The following VAV3 variants were observed in gnomAD, a reference collection of about 807,000 sequenced individuals.
The protein encoded by VAV3 is vav guanine nucleotide exchange factor 3.
Under a neutral mutation model 131.2 loss-of-function variants are expected in VAV3, and 94 were observed. That is an observed-to-expected ratio of 0.72 (90% CI 0.61 to 0.85). The LOEUF is 0.85. Ranked by LOEUF, VAV3 falls within the 40% of genes least tolerant of loss-of-function variation. The pLI is 0.00. For missense variants in VAV3, 939 were observed against 1,002.7 expected, an observed-to-expected ratio of 0.94 and a Z score of 0.86; for synonymous variants, 349 against 342.0, an observed-to-expected ratio of 1.02 and a Z score of -0.22.
At chr1:107,883,280 G>A (rs1670869314) in intron 1 of VAV3, among the ~76,000 whole-genome samples, 1 of 152,034 alleles carries the variant, frequency 6.6e-6, no homozygotes, top group Non-Finnish European at 1.5e-5. Flanking sequence ...CATCTGTTAT[G>A]GTAATAACTG....
chr1:107,682,242 C>A (rs978260618), intron 19 of VAV3, among the ~76,000 whole-genome samples: 2 of 151,408 alleles, frequency 1.3e-5, no homozygotes, highest in East Asian at 3.9e-4. Context: ...ACTACAAATA[C>A]AAAAATGCAT....
chr1:107,889,132 AGTGTGTGTGTGTGTGTGTGTGT>A (rs5776903), intron 1 of VAV3, among the ~76,000 whole-genome samples: 3 of 141,926 alleles, frequency 2.1e-5, no homozygotes, highest in African/African-American at 8.0e-5. Flanking sequence ...TCCTGTGTAG[AGTGTGTGTGTGTGTGTGTGTGT>A]GTGTGTGTGT....
chr1:107,625,258 T>C (rs1653928846), intron 20 of VAV3, among the ~76,000 whole-genome samples: 1 of 151,434 alleles, frequency 6.6e-6, no homozygotes, highest in African/African-American at 2.4e-5. Flanking sequence ...TTTAATCTTT[T>C]TTTTTTTTTT....
intron 15 of VAV3, among the ~76,000 whole-genome samples, chr1:107,723,209 A>T (rs1661608451): frequency 6.6e-6 from 1 of 152,156 alleles, no homozygotes; most frequent in Non-Finnish European, 1.5e-5. Context: ...AGAGCAAAAC[A>T]ACAGTAACAA....
chr1:107,733,740 G>A (rs1422904588), intron 15 of VAV3, among the ~76,000 whole-genome samples: 1 of 152,216 alleles, frequency 6.6e-6, no homozygotes, highest in Non-Finnish European at 1.5e-5. Context: ...ATGGGACTAT[G>A]TGAAAAGACC....
At chr1:107,836,696 A>C (rs1179026149) in intron 2 of VAV3, among the ~76,000 whole-genome samples, 2 of 152,180 alleles carry the variant, frequency 1.3e-5, no homozygotes, top group Non-Finnish European at 2.9e-5. Flanking sequence ...AAAACAGAAA[A>C]GATACAGATA....
At chr1:107,697,866 T>C (rs972077445) in intron 17 of VAV3, among the ~76,000 whole-genome samples, 5 of 152,130 alleles carry the variant, frequency 3.3e-5, no homozygotes, top group Admixed American at 6.6e-5. Context: ...TAAAAAACCA[T>C]TAGAAAATCA....
intron 1 of VAV3, among the ~76,000 whole-genome samples, chr1:107,904,736 T>C (rs1672021824): frequency 6.6e-6 from 1 of 151,932 alleles, no homozygotes; most frequent in African/African-American, 2.4e-5. Flanking sequence ...AAACTAAAAA[T>C]GCATAGAAGA....
intron 15 of VAV3, among the ~76,000 whole-genome samples, chr1:107,725,210 A>T (rs1021759225): frequency 3.9e-5 from 6 of 152,146 alleles, no homozygotes; most frequent in Non-Finnish European, 8.8e-5. Context: ...CAGCAGGGAG[A>T]CCAGGTAAGA....
At chr1:107,806,279 T>C (rs143014399) in intron 2 of VAV3, among the ~76,000 whole-genome samples, 2 of 152,182 alleles carry the variant, frequency 1.3e-5, no homozygotes, top group Non-Finnish European at 2.9e-5. Flanking sequence ...TTGTGGAACA[T>C]TTTCCATGTG....
chr1:107,727,526 T>C (rs751922118), intron 15 of VAV3, among the ~76,000 whole-genome samples: 1 of 152,222 alleles, frequency 6.6e-6, no homozygotes, highest in Non-Finnish European at 1.5e-5. Flanking sequence ...TTTAAATAAA[T>C]GTGAATTCTC....
chr1:107,922,145 G>A (rs1672928700), intron 1 of VAV3, among the ~76,000 whole-genome samples: 1 of 152,156 alleles, frequency 6.6e-6, no homozygotes, highest in South Asian at 2.1e-4. Context: ...TCCAGCCAGA[G>A]GGTTGACAGT....
chr1:107,720,837 G>A (rs552496077), intron 15 of VAV3, among the ~76,000 whole-genome samples: 2 of 152,266 alleles, frequency 1.3e-5, no homozygotes, highest in South Asian at 4.1e-4. Flanking sequence ...CAGGACTTGG[G>A]GAGCCATGTG....
At chr1:107,620,657 T>C (rs972671301) in intron 20 of VAV3, among the ~76,000 whole-genome samples, 2 of 152,144 alleles carry the variant, frequency 1.3e-5, no homozygotes, top group African/African-American at 2.4e-5. Context: ...ACTGTTTCTA[T>C]AGGAAAATAT....
intron 15 of VAV3, among the ~76,000 whole-genome samples, chr1:107,728,812 G>A (rs17019840): frequency 0.076 from 11,538 of 152,084 alleles, 526 homozygotes; most frequent in African/African-American, 0.13. Context: ...AATGCAAGCC[G>A]AGGGCGCAAC....
At chr1:107,939,370 T>C (rs1237721197) in intron 1 of VAV3, among the ~76,000 whole-genome samples, 1 of 152,132 alleles carries the variant, frequency 6.6e-6, no homozygotes, top group African/African-American at 2.4e-5. Flanking sequence ...GTGAAAGAGG[T>C]ACACATTCAG....
intron 1 of VAV3, among the ~76,000 whole-genome samples, chr1:107,928,360 T>C (rs1405611140): frequency 6.6e-6 from 1 of 152,022 alleles, no homozygotes; most frequent in African/African-American, 2.4e-5. Flanking sequence ...CAGACAAACA[T>C]CCACAAGCAC....
In VAV3 at chr1:107,838,140, C is replaced by T. The variant is rs139802490; in HGVS notation, c.321+36761G>A. Among the ~76,000 whole-genome samples, 1,201 of 152,248 alleles carry T rather than the reference C, an allele frequency of 7.9e-3. 12 individuals carry two copies. Among genetic ancestry groups the T allele is most frequent in the Middle Eastern group, 0.058 (17 of 294 alleles). On this transcript the variant is annotated intron_variant, in intron 2 of 26. Transcript: ENST00000370056. ...ATATATTCGCAAACTATGCATCCGA[C>T]AAAGTTCTAATAACCAGAATCTATC...
At chr1:107,718,071 GT>G (rs1438227154) in intron 15 of VAV3, among the ~76,000 whole-genome samples, 1 of 151,950 alleles carries the variant, frequency 6.6e-6, no homozygotes, top group Non-Finnish European at 1.5e-5. Context: ...ATAATAAGAG[GT>G]ATTTATGACA....
Sources: allele counts gnomAD v4.1 joint callset (sites outside exome capture counted in the v4.1 genomes callset), GRCh38; gene constraint gnomAD v4.1.1; transcripts MANE v1.5; gene names NCBI Gene and HGNC (gene_info 2026-07-23, HGNC 2026-07-21).